Variants in GPC3 observed in about 807,000 individuals in gnomAD.
The protein encoded by GPC3 is glypican 3.
In GPC3, 3 loss-of-function variants were observed where a neutral mutation model predicts 34.4. That is an observed-to-expected ratio of 0.09 (90% CI 0.04 to 0.23). GPC3 has a LOEUF of 0.23. Ranked by LOEUF, GPC3 falls within the 10% of genes least tolerant of loss-of-function variation. GPC3 has a pLI of 1.00. For synonymous variants in GPC3, 177 were observed against 174.0 expected, an observed-to-expected ratio of 1.02 and a Z score of -0.13; for missense variants, 351 against 445.6, an observed-to-expected ratio of 0.79 and a Z score of 1.91.
chrX:133,925,568 A>T (rs2076271447), intron 2 of GPC3, among the ~76,000 whole-genome samples: 1 of 112,211 alleles, frequency 8.9e-6, no homozygotes, highest in South Asian at 3.7e-4. Flanking sequence ...AAGAACCGTT[A>T]ACTAATTTTG....
chrX:133,558,620 C>T (rs182808986), intron 7 of GPC3, among the ~76,000 whole-genome samples: 5 of 110,928 alleles, frequency 4.5e-5, no homozygotes, highest in East Asian at 5.7e-4. Flanking sequence ...CGGCCAGGTG[C>T]GGTGGCTCAC....
intron 7 of GPC3, among the ~76,000 whole-genome samples, chrX:133,538,167 G>C (rs2069311623): frequency 8.9e-6 from 1 of 112,045 alleles, no homozygotes; most frequent in Admixed American, 9.5e-5. Flanking sequence ...AATAAAAAGA[G>C]AAAAAGAACA....
chrX:133,677,160 A>G (rs984727244), intron 5 of GPC3, among the ~76,000 whole-genome samples: 1 of 111,931 alleles, frequency 8.9e-6, no homozygotes, highest in Non-Finnish European at 1.9e-5. Flanking sequence ...CTCCAACATT[A>G]GAAATCGAGA....
At chrX:133,698,762 C>G (rs2071138564) in intron 4 of GPC3, among the ~76,000 whole-genome samples, 1 of 111,566 alleles carries the variant, frequency 9.0e-6, no homozygotes, top group Non-Finnish European at 1.9e-5. Flanking sequence ...AAAAACAAAC[C>G]CTCTTAATAA....
At chrX:133,787,162 T>A (rs994146487) in intron 2 of GPC3, among the ~76,000 whole-genome samples, 5 of 112,422 alleles carry the variant, frequency 4.4e-5, no homozygotes, top group Non-Finnish European at 7.5e-5. Flanking sequence ...CCCCAGTCCA[T>A]GATACTATTC....
chrX:133,966,217 C>G (rs1459418207), intron 1 of GPC3, among the ~76,000 whole-genome samples: 2 of 112,199 alleles, frequency 1.8e-5, no homozygotes, highest in African/African-American at 6.5e-5. Flanking sequence ...TTTTGTTATG[C>G]TTACCAAATT....
At chrX:133,594,898 T>TA (rs1227589930) in intron 7 of GPC3, among the ~76,000 whole-genome samples, 1 of 108,828 alleles carries the variant, frequency 9.2e-6, no homozygotes. Context: ...AAATAAATCA[T>TA]AAAAAAAAGT....
intron 2 of GPC3, among the ~76,000 whole-genome samples, chrX:133,913,163 G>A (rs1309713667): frequency 8.9e-6 from 1 of 111,898 alleles, no homozygotes; most frequent in Non-Finnish European, 1.9e-5. Flanking sequence ...GAAGAGTAGA[G>A]AGACAAGGGA....
intron 5 of GPC3, among the ~76,000 whole-genome samples, chrX:133,682,305 T>C (rs1297582488): frequency 1.8e-5 from 2 of 111,584 alleles, no homozygotes; most frequent in African/African-American, 6.5e-5. Flanking sequence ...TATTATTTTA[T>C]CCTCTCACTC....
chrX:133,957,245 A>C (rs1339610164), intron 1 of GPC3, among the ~76,000 whole-genome samples: 1 of 112,180 alleles, frequency 8.9e-6, no homozygotes, highest in African/African-American at 3.2e-5. Context: ...ACACCCATAA[A>C]CTGATTAAGA....
intron 2 of GPC3, among the ~76,000 whole-genome samples, chrX:133,901,975 G>A (rs1156714864): frequency 2.7e-5 from 3 of 111,785 alleles, no homozygotes; most frequent in African/African-American, 6.5e-5. Context: ...TCTCAGGGAC[G>A]TTAGAACTGT....
intron 2 of GPC3, among the ~76,000 whole-genome samples, chrX:133,926,342 T>C (rs935645733): frequency 8.9e-6 from 1 of 111,785 alleles, no homozygotes. Flanking sequence ...TAAACTTCAT[T>C]GGGTGGCTGA....
chrX:133,690,734 A>C (rs1169921102), intron 5 of GPC3, among the ~76,000 whole-genome samples: 1 of 111,589 alleles, frequency 9.0e-6, no homozygotes, highest in African/African-American at 3.3e-5. Context: ...AGATTGTCAG[A>C]CCTGGAGGGG....
In GPC3 at chrX:133,945,207, A is replaced by G. The variant is rs761321334; in HGVS notation, c.337+7843T>C. Among the ~76,000 whole-genome samples the G allele has an allele frequency of 1.0e-3, 111 of 111,280 alleles. 1 individual carries two copies. The highest frequency in any genetic ancestry group is 1.9e-3 in the Non-Finnish European group (101 of 53,090). ...GGAGTTTGAGACCAGCCAGGGCAAC[A>G]TGGCGAAACTCCATCTCTACAAAAA... On this transcript the variant is annotated intron_variant, in intron 2 of 7. Transcript: ENST00000370818.
chrX:133,895,034 C>T (rs960575681), intron 2 of GPC3, among the ~76,000 whole-genome samples: 1 of 112,054 alleles, frequency 8.9e-6, no homozygotes, highest in African/African-American at 3.2e-5. Context: ...GTTAAGGATA[C>T]AAATAAGATA....
chrX:133,791,811 TCC>T (rs2072163496), intron 2 of GPC3, among the ~76,000 whole-genome samples: 2 of 22,853 alleles, frequency 8.8e-5, no homozygotes, highest in Non-Finnish European at 4.0e-4. Flanking sequence ...CTTCCTTCCT[TCC>T]TTCCTTCCTT....
At chrX:133,659,166 G>T (rs1333250651) in intron 6 of GPC3, among the ~76,000 whole-genome samples, 1 of 112,311 alleles carries the variant, frequency 8.9e-6, no homozygotes, top group Non-Finnish European at 1.9e-5. Context: ...CCATAATACA[G>T]ATGAGAGAAC....
chrX:133,956,267 A>G (rs1175406417), intron 1 of GPC3, among the ~76,000 whole-genome samples: 2 of 112,497 alleles, frequency 1.8e-5, no homozygotes, highest in African/African-American at 6.4e-5. Flanking sequence ...CAAGCCTTAG[A>G]CTGATTTTCA....
chrX:133,579,637 G>A (rs1398679548), intron 7 of GPC3, among the ~76,000 whole-genome samples: 3 of 111,756 alleles, frequency 2.7e-5, no homozygotes, highest in African/African-American at 6.5e-5. Flanking sequence ...TTAACCTCCT[G>A]GGCTCAAGCG....
Sources: gnomAD v4.1 joint callset for allele counts (sites outside exome capture counted in the v4.1 genomes callset) on GRCh38, gnomAD v4.1.1 for gene constraint, MANE v1.5 for transcripts, NCBI Gene and HGNC (gene_info 2026-07-23, HGNC 2026-07-21) for gene names.